Variants in PPP3CB observed in about 807,000 individuals in gnomAD.
The protein encoded by PPP3CB is serine/threonine-protein phosphatase 2B catalytic subunit beta isoform.
Under a neutral mutation model 66.4 loss-of-function variants are expected in PPP3CB, and 8 were observed. The observed-to-expected ratio is 0.12, with a 90% CI of 0.07 to 0.22. The LOEUF (loss-of-function observed/expected upper bound fraction) is 0.22, where lower values mean the gene tolerates loss of function less well. PPP3CB is among the 10% of genes least tolerant of loss of function. The pLI is 1.00. For missense variants in PPP3CB, 319 were observed against 642.5 expected, an observed-to-expected ratio of 0.50 and a Z score of 5.44; for synonymous variants, 208 against 221.2, an observed-to-expected ratio of 0.94 and a Z score of 0.53.
chr10:73,489,206 T>A (rs1354205179), intron 1 of PPP3CB, among the ~76,000 whole-genome samples: 1 of 152,172 alleles, frequency 6.6e-6, no homozygotes, highest in Admixed American at 6.5e-5. Context: ...TCCAATATAC[T>A]TACCTTCTAA....
intron 9 of PPP3CB, among the ~76,000 whole-genome samples, chr10:73,465,238 G>A (rs1160657690): frequency 6.6e-6 from 1 of 152,138 alleles, no homozygotes; most frequent in Admixed American, 6.5e-5. Context: ...CTTCTTTAGA[G>A]ACAGGGTTTT....
Position 73,478,385 on chromosome 10 carries a change from A to T in PPP3CB, c.411+114T>A. The stretch of plus-strand genomic sequence containing the variant: ...TAGTAGCTTTTCATAAAAACTTCAG[A>T]ATATGCAGAGTTATTAAAAAAACCT... On this transcript the variant is annotated intron_variant, in intron 3 of 13. Coordinates refer to ENST00000360663, the MANE Select transcript of PPP3CB (RefSeq NM_021132.4). 4 of 872,270 alleles carry T rather than the reference A, an allele frequency of 4.6e-6. No individual in the cohort carries two copies. The South Asian group carries it at 8.1e-5, about 18-fold the overall frequency. The allele number at this position is 872,270 out of a possible 1,614,324, so 54.0% of individuals were successfully genotyped here.
chr10:73,470,190 A>T (rs1037673573), intron 8 of PPP3CB, among the ~76,000 whole-genome samples: 5 of 149,138 alleles, frequency 3.4e-5, no homozygotes, highest in Non-Finnish European at 7.4e-5. Flanking sequence ...TGAATTAATT[A>T]AAAAAAAGCT....
chr10:73,443,670 C>T (rs1285842249), intron 12 of PPP3CB: 1 of 152,196 alleles, frequency 6.6e-6, no homozygotes, highest in Non-Finnish European at 1.5e-5. Flanking sequence ...ATACTCACAT[C>T]ACTCTCTTCT....
At chr10:73,485,516 C>G (rs990179392) in intron 1 of PPP3CB, among the ~76,000 whole-genome samples, 1 of 152,204 alleles carries the variant, frequency 6.6e-6, no homozygotes, top group African/African-American at 2.4e-5. Context: ...AAGTATCATT[C>G]AGATGCCTAA....
chr10:73,445,873 C>T (rs952373169), intron 11 of PPP3CB, among the ~76,000 whole-genome samples: 2 of 151,918 alleles, frequency 1.3e-5, no homozygotes, highest in African/African-American at 4.8e-5. Context: ...CTCAGCCTCC[C>T]GAGTAGCTGG....
rs1289757298 is a variant in PPP3CB, at chr10:73,493,467, A to G, written c.85+2338T>C. The stretch of plus-strand genomic sequence containing the variant: ...CATCATTTATCATCAGGCAACCAGT[A>G]TTCTCTAATATCAGGTATCACATTA... On this transcript the variant is annotated intron_variant, in intron 1 of 13. Transcript: ENST00000360663. Among the ~76,000 whole-genome samples, 4 of 152,336 alleles carry G rather than the reference A, an allele frequency of 2.6e-5. No individual in the cohort carries two copies. In the South Asian group the frequency reaches 8.3e-4, roughly 32 times the overall value.
At chr10:73,459,477 T>G (rs1267715517) in intron 9 of PPP3CB, among the ~76,000 whole-genome samples, 1 of 152,218 alleles carries the variant, frequency 6.6e-6, no homozygotes, top group African/African-American at 2.4e-5. Flanking sequence ...CAGAGCAAGA[T>G]TCTGTCTCAA....
At chr10:73,490,801 T>G (rs1480784079) in intron 1 of PPP3CB, among the ~76,000 whole-genome samples, 1 of 152,094 alleles carries the variant, frequency 6.6e-6, no homozygotes, top group Non-Finnish European at 1.5e-5. Context: ...TTGCTTTCAC[T>G]AGGACACATG....
intron 9 of PPP3CB, among the ~76,000 whole-genome samples, chr10:73,457,810 G>T (rs771888377): frequency 2.0e-5 from 3 of 150,878 alleles, no homozygotes; most frequent in Non-Finnish European, 4.4e-5. Context: ...AATCATATAC[G>T]TAAGGGACTT....
chr10:73,466,100 G>T (rs1165122420), intron 9 of PPP3CB, among the ~76,000 whole-genome samples: 2 of 152,166 alleles, frequency 1.3e-5, no homozygotes, highest in African/African-American at 2.4e-5. Context: ...ATCTTCACTT[G>T]TAAGGGATCC....
At chr10:73,478,722 T>C in intron 2 of PPP3CB, 99 bp from the exon 3 acceptor site, 1 of 1,027,686 alleles carries the variant, frequency 9.7e-7, no homozygotes. Flanking sequence ...GTACAAATGC[T>C]ATCAAGAAAT....
intron 9 of PPP3CB, among the ~76,000 whole-genome samples, chr10:73,466,136 T>C (rs971979942): frequency 1.3e-5 from 2 of 152,192 alleles, no homozygotes; most frequent in African/African-American, 4.8e-5. Context: ...AATTATCTCA[T>C]CTCTCAAAAG....
At chr10:73,494,626 A>C (rs185117947) in intron 1 of PPP3CB, among the ~76,000 whole-genome samples, 3 of 152,012 alleles carry the variant, frequency 2.0e-5, no homozygotes, top group Admixed American at 6.5e-5. Flanking sequence ...GAACCGAAGA[A>C]GGCTCAGGTT....
At chr10:73,479,918 T>G (rs2056846987) in intron 1 of PPP3CB, among the ~76,000 whole-genome samples, 1 of 152,082 alleles carries the variant, frequency 6.6e-6, no homozygotes, top group Admixed American at 6.6e-5. Flanking sequence ...TCACGACTAC[T>G]TCGTAGGCTG....
chr10:73,446,604 G>A, intron 10 of PPP3CB, 31 bp from the exon 11 acceptor site: 1 of 1,591,890 alleles, frequency 6.3e-7, no homozygotes, highest in African/African-American at 1.3e-5. Flanking sequence ...AGAGAGAAAG[G>A]CTCAAGTTTA....
At chr10:73,463,045 TA>T (rs1310898399) in intron 9 of PPP3CB, among the ~76,000 whole-genome samples, 4 of 144,710 alleles carry the variant, frequency 2.8e-5, no homozygotes, top group Non-Finnish European at 4.5e-5. Flanking sequence ...GTAACCTGAG[TA>T]AAGGGTTGTT....
At chr10:73,443,946 A>G (rs1012974366) in intron 12 of PPP3CB, 1 of 152,290 alleles carries the variant, frequency 6.6e-6, no homozygotes, top group Non-Finnish European at 1.5e-5. Flanking sequence ...GTGCAGCAAC[A>G]AATGCAGCAA....
chr10:73,478,341 AAGAC>A (rs1489602249), intron 3 of PPP3CB, among the ~76,000 whole-genome samples, 154 bp downstream of exon 3: 4 of 152,242 alleles, frequency 2.6e-5, no homozygotes, highest in Admixed American at 6.5e-5. Context: ...AATTGTTTGA[AAGAC>A]AGAACAGGAA....
Sources: allele counts gnomAD v4.1 joint callset (sites outside exome capture counted in the v4.1 genomes callset), GRCh38; gene constraint gnomAD v4.1.1; transcripts MANE v1.5; gene names NCBI Gene and HGNC (gene_info 2026-07-23, HGNC 2026-07-21).